LRRFIP1: variants seen among roughly 807,000 people sequenced by gnomAD.
LRRFIP1 encodes the protein leucine-rich repeat flightless-interacting protein 1.
A neutral mutation model predicts 104.4 loss-of-function variants in LRRFIP1; 62 were observed. That is an observed-to-expected ratio of 0.59 (90% confidence interval 0.48 to 0.73). LRRFIP1 has a LOEUF of 0.73. Ranked by LOEUF, LRRFIP1 falls within the 30% of genes least tolerant of loss-of-function variation. LRRFIP1 has a pLI of 0.00. For synonymous variants in LRRFIP1, 300 were observed against 299.0 expected, an observed-to-expected ratio of 1.00 and a Z score of -0.03; for missense variants, 796 against 824.5, an observed-to-expected ratio of 0.97 and a Z score of 0.42.
chr2:237,645,258 T>C (rs1490007177), intron 1 of LRRFIP1, among the ~76,000 whole-genome samples: 2 of 152,152 alleles, frequency 1.3e-5, no homozygotes, highest in Non-Finnish European at 2.9e-5. Context: ...TTAGTGTGAG[T>C]ATCAAAAGCA....
intron 8 of LRRFIP1, chr2:237,729,909 T>G (rs1465074770): frequency 1.4e-6 from 1 of 728,374 alleles, no homozygotes; most frequent in Non-Finnish European, 1.7e-6. Flanking sequence ...TGCAATCTTG[T>G]GTGTGTGGAT....
intron 1 of LRRFIP1, among the ~76,000 whole-genome samples, chr2:237,662,100 G>A (rs1575237543): frequency 6.6e-6 from 1 of 152,182 alleles, no homozygotes; most frequent in African/African-American, 2.4e-5. Flanking sequence ...GGCTCTGAGG[G>A]GAAGGTGTTC....
chr2:237,677,726 C>T (rs1045187611), intron 1 of LRRFIP1, among the ~76,000 whole-genome samples: 4 of 152,140 alleles, frequency 2.6e-5, no homozygotes, highest in African/African-American at 2.4e-5. Context: ...TATTATCGAG[C>T]CACCATGAAA....
chr2:237,727,225 G>A (rs1411258965), intron 7 of LRRFIP1, among the ~76,000 whole-genome samples: 2 of 151,900 alleles, frequency 1.3e-5, no homozygotes, highest in Admixed American at 6.6e-5. Flanking sequence ...GCGTGGTGAC[G>A]CACGCCTGTA....
chr2:237,664,690 C>A (rs1023951471), intron 1 of LRRFIP1, among the ~76,000 whole-genome samples: 1 of 152,206 alleles, frequency 6.6e-6, no homozygotes, highest in South Asian at 2.1e-4. Flanking sequence ...TTCTACCCAA[C>A]GGCTGCATAG....
chr2:237,762,749 A>G, intron 19 of LRRFIP1: 1 of 1,614,256 alleles, frequency 6.2e-7, no homozygotes, highest in Non-Finnish European at 8.5e-7. Flanking sequence ...TGGTGAGAAT[A>G]CCGAGGACCA....
At chr2:237,762,623 G>A in intron 19 of LRRFIP1, 5 of 1,607,230 alleles carry the variant, frequency 3.1e-6, no homozygotes, top group Non-Finnish European at 4.3e-6. Flanking sequence ...TGAAGTGGAG[G>A]TGAAAAATGA....
At chr2:237,657,291 A>T (rs183579891) in intron 1 of LRRFIP1, among the ~76,000 whole-genome samples, 1 of 152,364 alleles carries the variant, frequency 6.6e-6, no homozygotes, top group Non-Finnish European at 1.5e-5. Context: ...ACATATGTAA[A>T]ATTGGAGTAT....
rs898811207 is a variant in LRRFIP1 at position 237,711,596 on chromosome 2, T to C, written c.184-2663T>C. The stretch of plus-strand genomic sequence containing the variant: ...CCCTCACGACCGTGGCTTGCGGCTG[T>C]GACACAGGGCGGGCGTCGTGGGCGC... On this transcript the variant is annotated intron_variant, in intron 2 of 23. Coordinates refer to ENST00000308482, the MANE Select transcript of LRRFIP1 (RefSeq NM_001137550.2). The surrounding 1 kb of genome is among the most constrained non-coding windows in gnomAD (Gnocchi z 4.4). 5.3e-5 allele frequency among the ~76,000 whole-genome samples: 8 copies of C among 152,188 alleles called. No individual in the cohort carries two copies. The South Asian group carries it at 1.7e-3, about 32-fold the overall frequency.
intron 19 of LRRFIP1, among the ~76,000 whole-genome samples, chr2:237,762,006 A>C (rs3769055): frequency 0.12 from 18,166 of 152,244 alleles, 2,130 homozygotes; most frequent in African/African-American, 0.3. Context: ...GCATGGACAC[A>C]GGGTGTTTTC....
At chr2:237,765,829 T>G in intron 19 of LRRFIP1, 1 of 971,876 alleles carries the variant, frequency 1.0e-6, no homozygotes, top group Non-Finnish European at 1.2e-6. Context: ...AAGATAGAAT[T>G]GAATGCAAAA....
chr2:237,737,353 G>T (rs1410866646), intron 10 of LRRFIP1, among the ~76,000 whole-genome samples: 1 of 152,202 alleles, frequency 6.6e-6, no homozygotes, highest in Non-Finnish European at 1.5e-5. Context: ...AACTTCCACA[G>T]CCACGTGGCC....
intron 1 of LRRFIP1, among the ~76,000 whole-genome samples, chr2:237,639,137 AG>A (rs2083533931): frequency 6.6e-6 from 1 of 152,184 alleles, no homozygotes; most frequent in South Asian, 2.1e-4. Context: ...TGCTACCTTC[AG>A]GTGGCTGTGG....
At chr2:237,644,720 G>A (rs999382037) in intron 1 of LRRFIP1, among the ~76,000 whole-genome samples, 6 of 152,182 alleles carry the variant, frequency 3.9e-5, no homozygotes, top group Non-Finnish European at 1.5e-5. Context: ...GGATCCATCT[G>A]GGATCCACAT....
intron 2 of LRRFIP1, among the ~76,000 whole-genome samples, chr2:237,709,479 A>T (rs1303323161): frequency 3.9e-5 from 6 of 152,226 alleles, no homozygotes; most frequent in East Asian, 1.9e-4. Flanking sequence ...ATTTTAATAC[A>T]CAGGTTGTTG....
chr2:237,668,059 T>C (rs116402843), intron 1 of LRRFIP1, among the ~76,000 whole-genome samples: 1,604 of 151,766 alleles, frequency 0.011, 29 homozygotes, highest in African/African-American at 0.037. Context: ...TCCCCAACAC[T>C]CTTCATCACC....
intron 2 of LRRFIP1, 115 bp from the exon 3 acceptor site, chr2:237,714,144 T>C: frequency 3.2e-6 from 2 of 625,326 alleles, no homozygotes; most frequent in Non-Finnish European, 2.8e-6. Context: ...CACATTTTAC[T>C]GTATTCGTTG....
In LRRFIP1 at chr2:237,774,464, T is replaced by C. The variant is rs917428282; in HGVS notation, c.1812+2T>C. The C allele has an allele frequency of 6.3e-7, 1 of 1,595,044 alleles. No individual in the cohort carries two copies. Among genetic ancestry groups the C allele is most frequent in the Non-Finnish European group, 8.6e-7 (1 of 1,163,826 alleles). ...GAAAAACGGAAACTCCAAAGAGAGG[T>C]AAATTTCCTAGGCAATTTCTAGGAA... On this transcript the variant is annotated splice_donor_variant, in intron 23 of 23. Transcript: ENST00000308482. LOFTEE classifies it high-confidence loss of function.
chr2:237,764,918 A>G (rs1424608521), intron 19 of LRRFIP1: 3 of 985,496 alleles, frequency 3.0e-6, no homozygotes, highest in Non-Finnish European at 3.6e-6. Flanking sequence ...GAAGTGATAT[A>G]TGTCAAATTA....
Sources: allele counts gnomAD v4.1 joint callset (sites outside exome capture counted in the v4.1 genomes callset), GRCh38; gene constraint gnomAD v4.1.1; non-coding constraint Gnocchi (gnomAD v3.1); transcripts MANE v1.5; gene names NCBI Gene and HGNC (gene_info 2026-07-23, HGNC 2026-07-21).